Variants in WDR7 observed in about 807,000 individuals in gnomAD.
WDR7 encodes the protein WD repeat domain 7.
WDR7 carries 46 observed loss-of-function variants against 169.4 expected under a neutral mutation model. The ratio of observed to expected loss-of-function variants is 0.27; its 90% CI spans 0.21 to 0.35. WDR7 has a LOEUF of 0.35. Ranked by LOEUF, WDR7 falls within the 10% of genes least tolerant of loss-of-function variation. The pLI, the probability that WDR7 is intolerant of heterozygous loss-of-function variation, is 1.00. For missense variants in WDR7, 1,534 were observed against 1,859.3 expected (o/e 0.83, Z 3.22); for synonymous variants, 612 against 666.8 (o/e 0.92, Z 1.27).
At chr18:56,687,842 G>A (rs986630989) in intron 7 of WDR7, among the ~76,000 whole-genome samples, 4 of 152,086 alleles carry the variant, frequency 2.6e-5, no homozygotes, top group Non-Finnish European at 4.4e-5. Flanking sequence ...TGCCCAGGCC[G>A]GTCTTGAACT....
intron 14 of WDR7, among the ~76,000 whole-genome samples, chr18:56,749,373 A>T (rs975616051): frequency 7.9e-6 from 1 of 127,058 alleles, no homozygotes. Context: ...TATCTATAGA[A>T]GTGTGTGTGT....
chr18:56,939,048 A>G (rs1472278975), intron 24 of WDR7, among the ~76,000 whole-genome samples: 1 of 152,198 alleles, frequency 6.6e-6, no homozygotes, highest in Non-Finnish European at 1.5e-5. Context: ...ATAATGTATT[A>G]TGTACATAAA....
chr18:56,893,451 G>C (rs2046291903), intron 21 of WDR7, among the ~76,000 whole-genome samples: 1 of 152,072 alleles, frequency 6.6e-6, no homozygotes, highest in Non-Finnish European at 1.5e-5. Context: ...AAGCCTTTCA[G>C]TAAGAGGTAT....
chr18:56,859,073 C>T (rs1362867719), intron 20 of WDR7, among the ~76,000 whole-genome samples: 1 of 152,104 alleles, frequency 6.6e-6, no homozygotes, highest in Non-Finnish European at 1.5e-5. Flanking sequence ...TTCTTCTTGT[C>T]AAATCTGAAT....
intron 26 of WDR7, among the ~76,000 whole-genome samples, chr18:56,981,289 GAGT>G (rs1479595169): frequency 6.6e-6 from 1 of 152,156 alleles, no homozygotes; most frequent in Non-Finnish European, 1.5e-5. Flanking sequence ...GTGGAATAAA[GAGT>G]AGAAGAAAAT....
At chr18:56,865,924 T>C (rs2045877167) in intron 20 of WDR7, among the ~76,000 whole-genome samples, 1 of 152,142 alleles carries the variant, frequency 6.6e-6, no homozygotes, top group Non-Finnish European at 1.5e-5. Context: ...TTTTAAGACT[T>C]TTTTCTAATT....
At chr18:56,909,322 C>T (rs1036823594) in intron 21 of WDR7, among the ~76,000 whole-genome samples, 1 of 152,106 alleles carries the variant, frequency 6.6e-6, no homozygotes, top group East Asian at 1.9e-4. Flanking sequence ...TCTGGATTGT[C>T]TGGAGGACTT....
chr18:56,658,905 A>T (rs1452674781), intron 1 of WDR7, among the ~76,000 whole-genome samples: 2 of 151,678 alleles, frequency 1.3e-5, no homozygotes, highest in Non-Finnish European at 2.9e-5. Context: ...TTTAGTAGAG[A>T]TGGGGTTTCA....
At chr18:56,954,467 G>A (rs2047223376) in intron 25 of WDR7, among the ~76,000 whole-genome samples, 1 of 152,056 alleles carries the variant, frequency 6.6e-6, no homozygotes, top group Non-Finnish European at 1.5e-5. Flanking sequence ...CAATATTGCA[G>A]AAGAGTATGT....
chr18:56,926,635 G>A (rs2046812875), intron 22 of WDR7, among the ~76,000 whole-genome samples: 1 of 152,174 alleles, frequency 6.6e-6, no homozygotes, highest in Non-Finnish European at 1.5e-5. Context: ...GTTTTCAGTA[G>A]GCAATTTAAA....
chr18:56,870,302 T>A (rs1443898839), intron 20 of WDR7, among the ~76,000 whole-genome samples: 2 of 152,164 alleles, frequency 1.3e-5, no homozygotes, highest in Admixed American at 6.5e-5. Context: ...ATCCCTACTT[T>A]AAGCAACCCT....
intron 20 of WDR7, among the ~76,000 whole-genome samples, chr18:56,838,450 T>C (rs1004920261): frequency 3.3e-5 from 5 of 152,232 alleles, no homozygotes; most frequent in African/African-American, 1.2e-4. Flanking sequence ...CATCTGCTGA[T>C]AGAGTATGGA....
chr18:56,987,352 G>C (rs973000305), intron 26 of WDR7, among the ~76,000 whole-genome samples: 3 of 141,022 alleles, frequency 2.1e-5, no homozygotes, highest in African/African-American at 7.9e-5. Flanking sequence ...ACAACCTTTC[G>C]ACCACAATTT....
chr18:56,755,511 G>A (rs1276007754), intron 14 of WDR7, among the ~76,000 whole-genome samples: 1 of 152,196 alleles, frequency 6.6e-6, no homozygotes, highest in Non-Finnish European at 1.5e-5. Context: ...GTGACAGCGG[G>A]ATAGGAAGAA....
At chr18:56,954,810 G>C (rs1277219654) in intron 25 of WDR7, among the ~76,000 whole-genome samples, 1 of 152,012 alleles carries the variant, frequency 6.6e-6, no homozygotes, top group Non-Finnish European at 1.5e-5. Context: ...AAAAATTCAA[G>C]GTAAAATAAG....
chr18:56,989,538 GTAGT>G (rs1414399406), intron 26 of WDR7, among the ~76,000 whole-genome samples: 1 of 152,154 alleles, frequency 6.6e-6, no homozygotes, highest in African/African-American at 2.4e-5. Context: ...GTCTTGTCAA[GTAGT>G]TAGGCATTTA....
intron 1 of WDR7, among the ~76,000 whole-genome samples, chr18:56,654,114 A>G (rs2024714530): frequency 6.6e-6 from 1 of 152,166 alleles, no homozygotes; most frequent in Non-Finnish European, 1.5e-5. Context: ...ATTCAGATTC[A>G]TTCACTACTA....
chr18:56,661,535 C>G (rs1045558104), intron 1 of WDR7, among the ~76,000 whole-genome samples: 4 of 152,004 alleles, frequency 2.6e-5, no homozygotes, highest in Non-Finnish European at 4.4e-5. Context: ...TAAGTGTAGT[C>G]TCCTGTTGCC....
chr18:56,989,705 T>C (rs1193202005), intron 26 of WDR7, among the ~76,000 whole-genome samples: 1 of 152,224 alleles, frequency 6.6e-6, no homozygotes, highest in East Asian at 1.9e-4. Flanking sequence ...TGATTATACC[T>C]GTAATTTTAT....
Sources: allele counts gnomAD v4.1 joint callset (sites outside exome capture counted in the v4.1 genomes callset), GRCh38; gene constraint gnomAD v4.1.1; transcripts MANE v1.5; gene names NCBI Gene and HGNC (gene_info 2026-07-23, HGNC 2026-07-21).